Variants in CHUK observed in about 807,000 individuals in gnomAD.
The protein encoded by CHUK is component of inhibitor of nuclear factor kappa B kinase complex, also known as inhibitor of nuclear factor kappa-B kinase subunit alpha.
Under a neutral mutation model 104.8 loss-of-function variants are expected in CHUK, and 35 were observed. That is an observed-to-expected ratio of 0.33 (90% confidence interval 0.26 to 0.44). The LOEUF is 0.44. Ranked by LOEUF, CHUK falls within the 20% of genes least tolerant of loss-of-function variation. The pLI is 1.00. For synonymous variants in CHUK, 276 were observed against 291.9 expected, an observed-to-expected ratio of 0.95 and a Z score of 0.56; for missense variants, 663 against 902.7, an observed-to-expected ratio of 0.73 and a Z score of 3.40.
intron 2 of CHUK, among the ~76,000 whole-genome samples, chr10:100,224,767 A>G (rs370601291): frequency 6.6e-6 from 1 of 152,118 alleles, no homozygotes; most frequent in Non-Finnish European, 1.5e-5. Flanking sequence ...GAAATGAAAT[A>G]GTTTTTTGAT....
intron 4 of CHUK, among the ~76,000 whole-genome samples, chr10:100,221,161 G>A (rs1564840679): frequency 6.6e-6 from 1 of 152,166 alleles, no homozygotes; most frequent in Non-Finnish European, 1.5e-5. Context: ...ACTTGGCTGG[G>A]TGCGGTGGCT....
rs1483348827 is a variant in CHUK, at chr10:100,189,388, A to G, written c.*210T>C. On this transcript the variant is annotated 3_prime_UTR_variant, in exon 21 of 21. Transcript: ENST00000370397. ...TCAAACAAGTACATTGACTTTTTCTAAATTCCTGTCTGTTTAGAGGCTTGA... is the reference window on the plus strand; with the variant it reads ...TCAAACAAGTACATTGACTTTTTCTGAATTCCTGTCTGTTTAGAGGCTTGA... The G allele has an allele frequency of 5.5e-6, 3 of 540,974 alleles. No homozygotes were observed. The highest frequency in any genetic ancestry group is 1.0e-5 in the Non-Finnish European group (3 of 301,426). 33.5% of individuals were successfully genotyped at this position (540,974 alleles called of 1,614,324 possible).
At chr10:100,204,746 C>A in intron 12 of CHUK, 89 bp from the exon 13 acceptor site, 1 of 1,105,334 alleles carries the variant, frequency 9.0e-7, no homozygotes, top group Non-Finnish European at 1.3e-6. Context: ...CATAAACTGC[C>A]ACAAGGCCAA....
chr10:100,201,483 C>T (rs952224986), intron 14 of CHUK, among the ~76,000 whole-genome samples: 6 of 152,142 alleles, frequency 3.9e-5, no homozygotes, highest in African/African-American at 1.4e-4. Flanking sequence ...AAACCAGTCA[C>T]AAAAATAATA....
intron 12 of CHUK, among the ~76,000 whole-genome samples, 174 bp downstream of exon 12, chr10:100,204,902 A>C (rs980569587): frequency 2.0e-5 from 3 of 152,248 alleles, no homozygotes; most frequent in Non-Finnish European, 4.4e-5. Flanking sequence ...CCATTACAAT[A>C]GAATGGTCTC....
intron 9 of CHUK, among the ~76,000 whole-genome samples, chr10:100,216,712 T>C (rs1442147967): frequency 6.6e-6 from 1 of 152,228 alleles, no homozygotes; most frequent in African/African-American, 2.4e-5. Context: ...TTTAGAAACC[T>C]GTATACTACA....
intron 9 of CHUK, among the ~76,000 whole-genome samples, chr10:100,212,530 T>C (rs1484344124): frequency 6.6e-6 from 1 of 152,192 alleles, no homozygotes; most frequent in Non-Finnish European, 1.5e-5. Flanking sequence ...TCTTATAAAT[T>C]TAGGATATTA....
intron 4 of CHUK, among the ~76,000 whole-genome samples, chr10:100,221,314 A>C (rs1845981934): frequency 6.6e-6 from 1 of 152,082 alleles, no homozygotes; most frequent in Admixed American, 6.6e-5. Context: ...GGGCACCTGT[A>C]ATCCCAGCTA....
chr10:100,213,993 A>T (rs1279115761), intron 9 of CHUK, among the ~76,000 whole-genome samples: 2 of 152,174 alleles, frequency 1.3e-5, no homozygotes, highest in African/African-American at 2.4e-5. Context: ...TTCAAAACTG[A>T]TACGGATTTG....
chr10:100,187,293 G>A (rs1218347345), downstream of CHUK: 2 of 152,218 alleles, frequency 1.3e-5, no homozygotes, highest in African/African-American at 4.8e-5. Flanking sequence ...GGGTTACTTA[G>A]TAGTGGAAGT....
rs1354969124 is a variant in CHUK, at chr10:100,194,038, C to T, written c.1920G>A (p.Met640Ile). ...CTTTCTGCCTTTTTCCCTGCATGAA[C>T]ATGACAGTATTGTCAGCTTCTTTGA... ...SNIKEADNTV[M>I]FMQGKRQKEI... Residue 640 changes from methionine (M) to isoleucine (I), a missense_variant, in exon 18 of 21, where the codon ATG becomes ATA. By Grantham distance (10) the Met-to-Ile change is conservative. Transcript: ENST00000370397. The T allele has an allele frequency of 1.9e-6, 3 of 1,613,682 alleles. No individual in the cohort carries two copies. Among genetic ancestry groups the T allele is most frequent in the African/African-American group, 1.3e-5 (1 of 74,902 alleles).
At chr10:100,193,857 TG>T in intron 18 of CHUK, 126 bp downstream of exon 18, 1 of 807,180 alleles carries the variant, frequency 1.2e-6, no homozygotes, top group Non-Finnish European at 2.1e-6. Flanking sequence ...GCAAGGAACA[TG>T]GATGTCATCC....
In CHUK at chr10:100,226,015, T is replaced by G. The variant is rs1846097003; in HGVS notation, c.108A>C (p.Glu36Asp). 6.3e-7 allele frequency: 1 copy of G among 1,581,624 alleles called. No individual in the cohort carries two copies. The highest frequency in any genetic ancestry group is 1.1e-5 in the South Asian group (1 of 90,298). The change falls in exon 2 of 21, where the codon GAA becomes GAC. Residue 36 changes from glutamate to aspartate, a missense_variant and splice_region_variant. Glu to Asp is a conservative substitution (Grantham distance 45, BLOSUM62 2). Transcript: ENST00000370397. ...FGNVCLYQHR[E>D]LDLKIAIKSC... Reference sequence around the variant, plus strand: ...ACTTAATTGCTATTTTGAGATCAAGTTCCTGCCAAAATAGAAAATCAACAG... The same window carrying G: ...ACTTAATTGCTATTTTGAGATCAAGGTCCTGCCAAAATAGAAAATCAACAG...
chr10:100,228,304 G>C (rs886956915), intron 1 of CHUK, among the ~76,000 whole-genome samples: 2 of 152,198 alleles, frequency 1.3e-5, no homozygotes, highest in Non-Finnish European at 2.9e-5. Context: ...GTGTGAATGT[G>C]CATCTGTGCA....
At chr10:100,222,262 T>G in intron 3 of CHUK, 81 bp from the exon 4 acceptor site, 2 of 728,590 alleles carry the variant, frequency 2.7e-6, no homozygotes, top group Non-Finnish European at 4.9e-6. Flanking sequence ...TACTATACTC[T>G]AAAAGAATAT....
intron 5 of CHUK, 102 bp downstream of exon 5, chr10:100,220,486 G>C: frequency 1.2e-6 from 1 of 831,422 alleles, no homozygotes; most frequent in South Asian, 1.4e-5. Flanking sequence ...GAAAAAGTAA[G>C]ACTGTTATGG....
intron 9 of CHUK, among the ~76,000 whole-genome samples, chr10:100,211,316 T>C (rs762610736): frequency 6.6e-5 from 10 of 152,228 alleles, no homozygotes; most frequent in African/African-American, 9.6e-5. Context: ...ATAAAAATGT[T>C]ATATATTTGA....
Position 100,229,522 on chromosome 10 carries a change from G to T in CHUK, c.11C>A (p.Pro4His). 6.5e-7 allele frequency: 1 copy of T among 1,547,966 alleles called. No individual in the cohort carries two copies. The highest frequency in any genetic ancestry group is 1.8e-4 in the Middle Eastern group (1 of 5,448). Residue 4 changes from proline to histidine, a missense_variant, in exon 1 of 21, where the codon CCC becomes CAC. Physicochemically the swap from Pro to His is moderately conservative, Grantham distance 77. Transcript: ENST00000370397. MERPPGLRPGAGGP... is the reference protein window; with the variant it reads MERHPGLRPGAGGP... ...GCCCGCGCCCGGCCGCAGCCCCGGG[G>T]GCCGCTCCATGGGGCGGGAGGGCAA... is the stretch of plus-strand genomic sequence containing the variant.
At chr10:100,219,168 T>C (rs373251431) in intron 6 of CHUK, 36 bp from the exon 7 acceptor site, 106 of 1,608,712 alleles carry the variant, frequency 6.6e-5, no homozygotes, top group Non-Finnish European at 8.3e-5. Flanking sequence ...ACCAACACTG[T>C]ATGGGAAAAG....
Sources: gnomAD v4.1 joint callset for allele counts (sites outside exome capture counted in the v4.1 genomes callset) on GRCh38, gnomAD v4.1.1 for gene constraint, MANE v1.5 for transcripts, NCBI Gene and HGNC (gene_info 2026-07-23, HGNC 2026-07-21) for gene names.